Variants in ZNF804B observed in about 807,000 individuals in gnomAD.
ZNF804B encodes the protein zinc finger protein 804B.
A neutral mutation model predicts 101.4 loss-of-function variants in ZNF804B; 80 were observed. The observed-to-expected ratio is 0.79, with a 90% CI of 0.66 to 0.95. ZNF804B has a LOEUF of 0.95. Among genes scored for constraint, ZNF804B ranks in the 40% least tolerant of loss-of-function variants. ZNF804B has a pLI of 0.00. For synonymous variants in ZNF804B, 622 were observed against 558.8 expected (o/e 1.11, Z -1.59); for missense variants, 1,673 against 1,561.9 (o/e 1.07, Z -1.20).
At chr7:88,806,747 C>G (rs1258788068) in intron 1 of ZNF804B, among the ~76,000 whole-genome samples, 3 of 152,038 alleles carry the variant, frequency 2.0e-5, no homozygotes, top group Non-Finnish European at 4.4e-5. Flanking sequence ...CTTGAGCAAA[C>G]TGAAGGCCCA....
At chr7:88,933,068 C>G (rs936559090) in intron 1 of ZNF804B, among the ~76,000 whole-genome samples, 2 of 151,614 alleles carry the variant, frequency 1.3e-5, no homozygotes, top group African/African-American at 4.8e-5. Context: ...CTAACCAAAT[C>G]CAACAGAATA....
intron 1 of ZNF804B, among the ~76,000 whole-genome samples, chr7:89,066,450 C>T (rs1456231858): frequency 6.6e-6 from 1 of 151,942 alleles, no homozygotes; most frequent in Non-Finnish European, 1.5e-5. Context: ...TACCTGGAGC[C>T]TGAAAACAAG....
At chr7:89,058,225 T>G (rs199984046) in intron 1 of ZNF804B, among the ~76,000 whole-genome samples, 2 of 152,088 alleles carry the variant, frequency 1.3e-5, no homozygotes, top group East Asian at 3.9e-4. Flanking sequence ...TGTTGAAATA[T>G]GGGGATATTT....
chr7:89,200,395 C>T (rs113640092), intron 1 of ZNF804B, among the ~76,000 whole-genome samples: 31 of 151,954 alleles, frequency 2.0e-4, no homozygotes, highest in African/African-American at 7.5e-4. Flanking sequence ...GATTCCTGTC[C>T]TGGTTTGTAG....
rs1012813515 is a variant in ZNF804B at position 89,249,436 on chromosome 7, T to C, written c.249+31141T>C. 5.9e-5 allele frequency among the ~76,000 whole-genome samples: 9 copies of C among 152,202 alleles called. 1 individual carries two copies. Among genetic ancestry groups the C allele is most frequent in the African/African-American group, 2.2e-4 (9 of 41,524 alleles). ...AATCAAAATCATACCAAACATACTCTTGAACCAAAGGGGAATAAAAACAGA... is the reference window on the plus strand; with the variant it reads ...AATCAAAATCATACCAAACATACTCCTGAACCAAAGGGGAATAAAAACAGA... On this transcript the variant is annotated intron_variant, in intron 2 of 3. Transcript: ENST00000333190.
intron 1 of ZNF804B, among the ~76,000 whole-genome samples, chr7:89,193,705 T>A (rs1425790716): frequency 2.0e-5 from 3 of 152,116 alleles, no homozygotes; most frequent in Non-Finnish European, 2.9e-5. Flanking sequence ...CTTAATCCAG[T>A]CTATCACTGT....
intron 1 of ZNF804B, among the ~76,000 whole-genome samples, chr7:89,075,930 G>A (rs1040852970): frequency 1.2e-4 from 18 of 152,354 alleles, no homozygotes; most frequent in Admixed American, 6.5e-4. Context: ...CTAGAGTTAA[G>A]ATTTGCATGG....
chr7:88,967,272 T>C (rs565288672), intron 1 of ZNF804B, among the ~76,000 whole-genome samples: 1 of 151,384 alleles, frequency 6.6e-6, no homozygotes, highest in Admixed American at 6.6e-5. Context: ...TGCAGAAAGG[T>C]GAAGGGAAGC....
chr7:89,082,027 A>C (rs2116313753), intron 1 of ZNF804B, among the ~76,000 whole-genome samples: 1 of 151,892 alleles, frequency 6.6e-6, no homozygotes, highest in East Asian at 1.9e-4. Flanking sequence ...AGTAAATGTC[A>C]GTTTATTTTT....
chr7:89,251,831 G>T (rs1232752535), intron 2 of ZNF804B, among the ~76,000 whole-genome samples: 1 of 152,138 alleles, frequency 6.6e-6, no homozygotes, highest in Non-Finnish European at 1.5e-5. Context: ...GTCAATAAAT[G>T]GTGGTGGGAT....
chr7:89,039,823 G>A (rs951114110), intron 1 of ZNF804B, among the ~76,000 whole-genome samples: 1 of 151,884 alleles, frequency 6.6e-6, no homozygotes, highest in African/African-American at 2.4e-5. Context: ...GGAGTGCATG[G>A]TTACTGTTGA....
At chr7:88,885,583 C>T (rs1002160406) in intron 1 of ZNF804B, among the ~76,000 whole-genome samples, 2 of 150,022 alleles carry the variant, frequency 1.3e-5, no homozygotes, top group African/African-American at 4.9e-5. Context: ...GTACAAAGAA[C>T]AACTATAAGC....
intron 2 of ZNF804B, among the ~76,000 whole-genome samples, chr7:89,277,906 G>A (rs1171793350): frequency 1.3e-5 from 2 of 152,072 alleles, no homozygotes; most frequent in African/African-American, 4.8e-5. Context: ...CTAGTTCTAG[G>A]TCCATGAAGA....
intron 1 of ZNF804B, among the ~76,000 whole-genome samples, chr7:88,821,745 A>G (rs886515926): frequency 1.3e-5 from 2 of 152,320 alleles, no homozygotes; most frequent in African/African-American, 4.8e-5. Context: ...TTTTAAAAGT[A>G]TCTGTTTTGG....
At chr7:89,138,114 C>A (rs568688708) in intron 1 of ZNF804B, among the ~76,000 whole-genome samples, 62 of 152,220 alleles carry the variant, frequency 4.1e-4, no homozygotes, top group Non-Finnish European at 6.9e-4. Flanking sequence ...TATGGAAACA[C>A]CTGGACATCC....
intron 1 of ZNF804B, among the ~76,000 whole-genome samples, chr7:89,031,062 C>G (rs1466251830): frequency 2.0e-5 from 3 of 151,746 alleles, no homozygotes; most frequent in African/African-American, 7.3e-5. Flanking sequence ...GGAGAAATAC[C>G]TAATGTAAAT....
chr7:89,237,408 G>A (rs541307382), intron 2 of ZNF804B, among the ~76,000 whole-genome samples: 1 of 152,180 alleles, frequency 6.6e-6, no homozygotes, highest in East Asian at 1.9e-4. Flanking sequence ...GTTTCCTTAG[G>A]TGTGATCTAT....
rs1793731250 is a variant in ZNF804B, at chr7:88,984,326, GCAAATGTTAC to G, written c.108+224245_108+224254del. On this transcript the variant is annotated intron_variant, in intron 1 of 3. Transcript: ENST00000333190. Reference sequence around the variant, plus strand: ...CTTAATGGAGGAATTTAACTAGATTGCAAATGTTACCATCTTTAAGGATGGTGTAATCAAG... The same window carrying G: ...CTTAATGGAGGAATTTAACTAGATTGCATCTTTAAGGATGGTGTAATCAAG... Among the ~76,000 whole-genome samples, 5 of 152,148 alleles carry G rather than the reference GCAAATGTTAC, an allele frequency of 3.3e-5. No homozygotes were observed. In the South Asian group the frequency reaches 1.0e-3, roughly 32 times the overall value.
intron 1 of ZNF804B, among the ~76,000 whole-genome samples, chr7:89,067,670 G>C (rs1008930631): frequency 6.6e-6 from 1 of 152,042 alleles, no homozygotes; most frequent in Non-Finnish European, 1.5e-5. Context: ...GTGTATTTTA[G>C]CTAGTAAAAT....
Sources: gnomAD v4.1 joint callset for allele counts (sites outside exome capture counted in the v4.1 genomes callset) on GRCh38, gnomAD v4.1.1 for gene constraint, MANE v1.5 for transcripts, NCBI Gene and HGNC (gene_info 2026-07-23, HGNC 2026-07-21) for gene names.